MASP1: variants seen among roughly 807,000 people sequenced by gnomAD.
MASP1 encodes MBL associated serine protease 1, also known as mannan-binding lectin serine protease 1.
Under a neutral mutation model 77.1 loss-of-function variants are expected in MASP1, and 59 were observed. The observed-to-expected ratio is 0.77, with a 90% CI of 0.62 to 0.95. MASP1 has a LOEUF of 0.95. Ranked by LOEUF, MASP1 falls within the 40% of genes least tolerant of loss-of-function variation. The probability of loss-of-function intolerance (pLI) is 0.00; values close to 1 mark genes in which losing one functional copy is unlikely to be tolerated. For missense variants in MASP1, 885 were observed against 912.9 expected, an observed-to-expected ratio of 0.97 and a Z score of 0.39; for synonymous variants, 362 against 354.5, an observed-to-expected ratio of 1.02 and a Z score of -0.24.
At chr3:187,283,889 C>A (rs1441696147) in intron 2 of MASP1, among the ~76,000 whole-genome samples, 1 of 152,098 alleles carries the variant, frequency 6.6e-6, no homozygotes, top group Non-Finnish European at 1.5e-5. Context: ...GCCTGAGGAC[C>A]CATACCTACA....
chr3:187,226,888 C>T (rs1352939034), intron 11 of MASP1, among the ~76,000 whole-genome samples: 1 of 152,152 alleles, frequency 6.6e-6, no homozygotes, highest in Non-Finnish European at 1.5e-5. Context: ...AAGTGTGGTG[C>T]CTGGACCAGC....
At chr3:187,226,342 G>C in intron 12 of MASP1, 2 of 1,192,902 alleles carry the variant, frequency 1.7e-6, no homozygotes, top group Non-Finnish European at 2.4e-6. Flanking sequence ...CCTTGGAAAG[G>C]GCCAGTAGGT....
Position 187,285,999 on chromosome 3 carries a change from G to T in MASP1, c.63C>A (p.Thr21=). 2 of 1,614,200 alleles carry T rather than the reference G, an allele frequency of 1.2e-6. No individual in the cohort carries two copies. Among genetic ancestry groups the T allele is most frequent in the Non-Finnish European group, 1.7e-6 (2 of 1,180,022 alleles). ...GGCCAAACATATTGTTTAGCTCCAC[G>T]GTGTGGGCTGAAGCCTTTGACAGGG... is the stretch of plus-strand genomic sequence containing the variant. ...CFSLSKASAH[T]VELNNMFGQI... The change falls in exon 2 of 11, where the codon ACC becomes ACA. Residue 21 remains threonine, a synonymous_variant. Coordinates refer to ENST00000296280, the MANE Select transcript of MASP1 (RefSeq NM_139125.4).
intron 2 of MASP1, among the ~76,000 whole-genome samples, chr3:187,270,166 T>C (rs1252799697): frequency 1.3e-5 from 2 of 152,234 alleles, no homozygotes; most frequent in Non-Finnish European, 2.9e-5. Flanking sequence ...AAAAGCAGTA[T>C]ACTATTTCCA....
At chr3:187,251,423 A>C (rs541832225) in intron 7 of MASP1, 13 of 562,722 alleles carry the variant, frequency 2.3e-5, no homozygotes, top group South Asian at 4.1e-5. Flanking sequence ...AAAAAAAAAA[A>C]AAAAACAAAC....
chr3:187,235,302 T>G lies in MASP1; in HGVS notation c.*382A>C, dbSNP rs1488497057. ...TTCTAATAGTCAGGTCCAAGCTCAG[T>G]TATACCAACAGTAGGACCGATGGGT... On this transcript the variant is annotated 3_prime_UTR_variant, in exon 11 of 11. Transcript: ENST00000296280. 1 of 1,327,538 alleles carries G rather than the reference T, an allele frequency of 7.5e-7. No homozygotes were observed. The highest frequency in any genetic ancestry group is 9.8e-7 in the Non-Finnish European group (1 of 1,015,910). The allele number at this position is 1,327,538 out of a possible 1,614,324, so 82.2% of individuals were successfully genotyped here.
At chr3:187,220,006 A>G in exon 16 of MASP1, 1 of 1,559,382 alleles carries the variant, frequency 6.4e-7, no homozygotes, top group Non-Finnish European at 8.8e-7. Flanking sequence ...GGCTGCTTTC[A>G]TCGGAGGATC....
intron 7 of MASP1, 57 bp downstream of exon 7, chr3:187,251,577 A>G (rs1714596669): frequency 1.4e-6 from 2 of 1,385,766 alleles, no homozygotes; most frequent in Non-Finnish European, 2.0e-6. Context: ...GGGGAGGGGC[A>G]GGTTTCGAGA....
chr3:187,278,512 A>G, intron 2 of MASP1, among the ~76,000 whole-genome samples: 1 of 152,124 alleles, frequency 6.6e-6, no homozygotes, highest in Admixed American at 6.5e-5. Flanking sequence ...CTCTTTCTAC[A>G]CCCACTCTTA....
At chr3:187,256,893 C>T (rs374050462) in intron 4 of MASP1, 33 bp from the exon 5 acceptor site, 22 of 1,589,060 alleles carry the variant, frequency 1.4e-5, no homozygotes, top group Middle Eastern at 1.7e-4. Flanking sequence ...AATGGCGCAT[C>T]GCAACCACAG....
At chr3:187,225,320 G>C (rs753387721) in intron 13 of MASP1, 3 of 1,612,616 alleles carry the variant, frequency 1.9e-6, no homozygotes, top group East Asian at 2.2e-5. Context: ...GTAGGGGAAA[G>C]TACCTTCCTG....
At chr3:187,221,252 A>ATCAAGT in intron 14 of MASP1, 1 of 733,038 alleles carries the variant, frequency 1.4e-6, no homozygotes, top group Non-Finnish European at 2.4e-6. Flanking sequence ...TCTACCTTAG[A>ATCAAGT]CTTGATCTAA....
At chr3:187,226,367 C>G in intron 12 of MASP1, 1 of 1,440,144 alleles carries the variant, frequency 6.9e-7, no homozygotes, top group Non-Finnish European at 9.6e-7. Flanking sequence ...CCCAGAACCA[C>G]AGCTGGCTTT....
intron 8 of MASP1, 121 bp downstream of exon 8, chr3:187,250,130 A>G: frequency 1.2e-6 from 1 of 820,892 alleles, no homozygotes; most frequent in Non-Finnish European, 2.2e-6. Context: ...TGTCTGTTAA[A>G]TTCCTGCTCC....
At chr3:187,252,518 C>A (rs1388024937) in intron 6 of MASP1, among the ~76,000 whole-genome samples, 4 of 152,176 alleles carry the variant, frequency 2.6e-5, no homozygotes, top group Non-Finnish European at 1.5e-5. Flanking sequence ...TCTACTCTCC[C>A]GCATCTGAGC....
Position 187,262,531 on chromosome 3 carries a change from T to C in MASP1, c.415+12A>G. On this transcript the variant is annotated intron_variant, in intron 3 of 10. Transcript: ENST00000296280. The stretch of plus-strand genomic sequence containing the variant: ...GAGAGAGACCTGAGGATGAGTCACT[T>C]CTCCAACTTACCCACAGCCATGTAG... 2 of 1,613,838 alleles carry C rather than the reference T, an allele frequency of 1.2e-6. No individual in the cohort carries two copies. Among genetic ancestry groups the C allele is most frequent in the African/African-American group, 1.3e-5 (1 of 74,976 alleles).
chr3:187,268,898 C>G (rs1307534989), intron 2 of MASP1, among the ~76,000 whole-genome samples: 1 of 152,064 alleles, frequency 6.6e-6, no homozygotes. Flanking sequence ...AGCCCCATCT[C>G]TACCAAAAAT....
chr3:187,269,974 A>G (rs1241143022), intron 2 of MASP1, among the ~76,000 whole-genome samples: 1 of 152,210 alleles, frequency 6.6e-6, no homozygotes, highest in Non-Finnish European at 1.5e-5. Context: ...GAAGGGGCAA[A>G]AGCACATTTC....
chr3:187,222,972 A>G (rs1712155411), intron 14 of MASP1, among the ~76,000 whole-genome samples: 1 of 152,172 alleles, frequency 6.6e-6, no homozygotes, highest in African/African-American at 2.4e-5. Context: ...TGGGGTTCAA[A>G]GTCCCATTGA....
Sources: gnomAD v4.1 joint callset for allele counts (sites outside exome capture counted in the v4.1 genomes callset) on GRCh38, gnomAD v4.1.1 for gene constraint, MANE v1.5 for transcripts, NCBI Gene and HGNC (gene_info 2026-07-23, HGNC 2026-07-21) for gene names.